Variants in STIM1 observed in about 807,000 individuals in gnomAD.
STIM1 encodes stromal interaction molecule 1.
A neutral mutation model predicts 74.7 loss-of-function variants in STIM1; 25 were observed. That is an observed-to-expected ratio of 0.33 (90% confidence interval 0.24 to 0.47). The LOEUF (loss-of-function observed/expected upper bound fraction) is 0.47. Ranked by LOEUF, STIM1 falls within the 20% of genes least tolerant of loss-of-function variation. The pLI, the probability that STIM1 is intolerant of heterozygous loss-of-function variation, is 1.00. For missense variants in STIM1, 728 were observed against 920.8 expected, an observed-to-expected ratio of 0.79 and a Z score of 2.71; for synonymous variants, 328 against 348.8, an observed-to-expected ratio of 0.94 and a Z score of 0.66.
At chr11:3,989,504 CGGCG>C in intron 2 of STIM1, 1 of 599,462 alleles carries the variant, frequency 1.7e-6, no homozygotes, top group Non-Finnish European at 3.1e-6. Context: ...CTGTGAGCCG[CGGCG>C]CACCGAGAGC....
At chr11:3,995,352 G>A (rs564953831) in intron 2 of STIM1, among the ~76,000 whole-genome samples, 1 of 152,152 alleles carries the variant, frequency 6.6e-6, no homozygotes, top group South Asian at 2.1e-4. Flanking sequence ...TTAATGACTG[G>A]CTAGATTGTT....
intron 6 of STIM1, among the ~76,000 whole-genome samples, chr11:4,073,300 AG>A (rs1444278427): frequency 6.6e-6 from 1 of 152,056 alleles, no homozygotes; most frequent in Non-Finnish European, 1.5e-5. Flanking sequence ...TCTCTTCCAA[AG>A]GGATTAGCAA....
intron 2 of STIM1, among the ~76,000 whole-genome samples, chr11:4,007,198 T>A (rs985698148): frequency 4.6e-5 from 7 of 152,136 alleles, no homozygotes; most frequent in Non-Finnish European, 1.0e-4. Context: ...ACTATTGAGC[T>A]GTATAGTTCT....
chr11:3,909,582 T>G (rs2092526353), intron 1 of STIM1, among the ~76,000 whole-genome samples: 1 of 152,150 alleles, frequency 6.6e-6, no homozygotes. Context: ...CCCAGCACTT[T>G]GAGAGGCTGA....
In STIM1 at chr11:4,051,905, A is replaced by G. The variant is rs182701652; in HGVS notation, c.386-3621A>G. Among the ~76,000 whole-genome samples the G allele has an allele frequency of 2.6e-3, 395 of 152,352 alleles. 1 individual carries two copies. Among genetic ancestry groups the G allele is most frequent in the African/African-American group, 9.0e-3 (376 of 41,574 alleles). Reference sequence around the variant, plus strand: ...CTTAAGCTGATAAGCAACTTCAGCAAAGTCTCAGGATACAAAATCAATGTG... The same window carrying G: ...CTTAAGCTGATAAGCAACTTCAGCAGAGTCTCAGGATACAAAATCAATGTG... On this transcript the variant is annotated intron_variant, in intron 3 of 12. Transcript: ENST00000526596.
At chr11:3,876,306 T>A (rs2091305262) in intron 1 of STIM1, among the ~76,000 whole-genome samples, 1 of 152,146 alleles carries the variant, frequency 6.6e-6, no homozygotes, top group Non-Finnish European at 1.5e-5. Context: ...TAAACAGACC[T>A]AGGTAGGAAG....
chr11:4,075,966 C>G (rs1430319144), intron 7 of STIM1, among the ~76,000 whole-genome samples: 5 of 151,660 alleles, frequency 3.3e-5, no homozygotes, highest in African/African-American at 1.2e-4. Context: ...ATTTATTGGC[C>G]ATTTGATTTG....
At chr11:3,874,768 T>G (rs1368266388) in intron 1 of STIM1, among the ~76,000 whole-genome samples, 1 of 152,196 alleles carries the variant, frequency 6.6e-6, no homozygotes, top group Non-Finnish European at 1.5e-5. Flanking sequence ...GATTTGGTAC[T>G]CAGGGTGTAT....
chr11:3,991,169 CTTT>C (rs1246143538), intron 2 of STIM1, among the ~76,000 whole-genome samples: 12 of 124,206 alleles, frequency 9.7e-5, no homozygotes, highest in East Asian at 2.3e-4. Flanking sequence ...TCTTTCCTTT[CTTT>C]TTTTTTTTTT....
rs1380576297 is a variant in STIM1, at chr11:4,091,678, C to T, written c.2031C>T (p.His677=). The T allele has an allele frequency of 6.2e-7, 1 of 1,614,128 alleles. No homozygotes were observed. Among genetic ancestry groups the T allele is most frequent in the Non-Finnish European group, 8.5e-7 (1 of 1,180,056 alleles). ...LQASRNTRIP[H]LAGKKAVAEE... ...CCAGCCGAAACACACGCATTCCCCA[C>T]CTGGCTGGCAAGAAGGCTGTGGCTG... is the stretch of plus-strand genomic sequence containing the variant. The change falls in exon 13 of 13, where the codon CAC becomes CAT. Residue 677 remains histidine, a synonymous_variant. Transcript: ENST00000526596.
chr11:3,887,507 C>CT lies in STIM1; in HGVS notation c.139+31099dup, dbSNP rs1470769969. On this transcript the variant is annotated intron_variant, in intron 1 of 12. Transcript: ENST00000526596. Reference sequence around the variant, plus strand: ...ATATCAGAGTGCCGACCTACTGACTCTGTCTTGGGATTAGGTAAACCTACC... The same window carrying CT: ...ATATCAGAGTGCCGACCTACTGACTCTTGTCTTGGGATTAGGTAAACCTACC... Among the ~76,000 whole-genome samples, 13 of 152,290 alleles carry CT rather than the reference C, an allele frequency of 8.5e-5. No homozygotes were observed. In the East Asian group the frequency reaches 2.5e-3, roughly 29 times the overall value.
In STIM1 at chr11:3,901,551, C is replaced by T. The variant is rs377543048; in HGVS notation, c.139+45142C>T. Among the ~76,000 whole-genome samples, 6 of 152,262 alleles carry T rather than the reference C, an allele frequency of 3.9e-5. No homozygotes were observed. The East Asian group carries it at 5.8e-4, about 15-fold the overall frequency. On this transcript the variant is annotated intron_variant, in intron 1 of 12. Coordinates refer to ENST00000526596, the MANE Select transcript of STIM1 (RefSeq NM_001382567.1). ...GAGAAAATGAGATACTTAATGACAG[C>T]TTATGTGTCAGAAAATCTCCTAAGT...
chr11:4,024,516 A>T (rs2093983221), intron 3 of STIM1, among the ~76,000 whole-genome samples: 1 of 152,194 alleles, frequency 6.6e-6, no homozygotes, highest in Non-Finnish European at 1.5e-5. Flanking sequence ...CTTGAAGAAA[A>T]CATTTTCTCA....
Position 3,999,487 on chromosome 11 carries a change from G to A in STIM1, c.271-24386G>A, listed in dbSNP as rs900284858. ...TAAAAGACCTTGAATGCCAGGCCAAGAAGCTAGGGCTTTATCTTGTAGGTA... is the reference window on the plus strand; with the variant it reads ...TAAAAGACCTTGAATGCCAGGCCAAAAAGCTAGGGCTTTATCTTGTAGGTA... On this transcript the variant is annotated intron_variant, in intron 2 of 12. Coordinates refer to ENST00000526596, the MANE Select transcript of STIM1 (RefSeq NM_001382567.1). The A allele has an allele frequency of 6.6e-5, 10 of 152,450 alleles. No homozygotes were observed. In the Middle Eastern group the frequency reaches 0.01, roughly 155 times the overall value. 9.4% of individuals were successfully genotyped at this position (152,450 alleles called of 1,614,324 possible). A position where few individuals can be genotyped will look rare whatever the true frequency, so the allele number is the denominator to read the frequency against.
In STIM1 at chr11:4,091,363, C is replaced by T. The variant is rs1450652222; in HGVS notation, c.1716C>T (p.Ser572=). 2 of 1,614,236 alleles carry T rather than the reference C, an allele frequency of 1.2e-6. No individual in the cohort carries two copies. Among genetic ancestry groups the T allele is most frequent in the Non-Finnish European group, 1.7e-6 (2 of 1,180,038 alleles). Residue 572 remains serine, a synonymous_variant, in exon 13 of 13, where the codon AGC becomes AGT. Transcript: ENST00000526596. ...QRVAPKPPQM[S]RAADEALNAM... ...TGGCCCCCAAACCTCCTCAGATGAG[C>T]CGTGCTGCAGACGAGGCTCTCAATG...
chr11:3,960,896 A>T (rs1057181290), intron 1 of STIM1, among the ~76,000 whole-genome samples: 12 of 152,218 alleles, frequency 7.9e-5, no homozygotes, highest in African/African-American at 2.9e-4. Context: ...TATTTTCCAT[A>T]AAAATATTAT....
intron 3 of STIM1, among the ~76,000 whole-genome samples, chr11:4,027,436 CG>C (rs2094007039): frequency 6.6e-6 from 1 of 152,162 alleles, no homozygotes; most frequent in South Asian, 2.1e-4. Context: ...CTCAGCCTCC[CG>C]AGTAGCTGGG....
At chr11:4,047,326 A>G (rs1398762170) in intron 3 of STIM1, among the ~76,000 whole-genome samples, 2 of 152,044 alleles carry the variant, frequency 1.3e-5, no homozygotes, top group African/African-American at 4.8e-5. Context: ...CAACAAGTAA[A>G]AGAATTTGAC....
intron 1 of STIM1, chr11:3,947,257 T>A (rs1043650341): frequency 6.6e-6 from 1 of 152,260 alleles, no homozygotes. Context: ...TTACAGCTTT[T>A]GGGTTTTGCA....
Sources: gnomAD v4.1 joint callset for allele counts (sites outside exome capture counted in the v4.1 genomes callset) on GRCh38, gnomAD v4.1.1 for gene constraint, MANE v1.5 for transcripts, NCBI Gene and HGNC (gene_info 2026-07-23, HGNC 2026-07-21) for gene names.